OTUD6B: variants seen among roughly 807,000 people sequenced by gnomAD.
The protein encoded by OTUD6B is deubiquitinase OTUD6B.
In OTUD6B, 41 loss-of-function variants were observed where a neutral mutation model predicts 36.9. The ratio of observed to expected loss-of-function variants is 1.11; its 90% CI spans 0.87 to 1.44. The LOEUF (loss-of-function observed/expected upper bound fraction) is 1.44, where lower values mean the gene tolerates loss of function less well. Among genes scored for constraint, OTUD6B ranks in the 40% most tolerant of loss-of-function variants. The pLI, the probability that OTUD6B is intolerant of heterozygous loss-of-function variation, is 0.00. For synonymous variants in OTUD6B, 114 were observed against 114.2 expected, an observed-to-expected ratio of 1.00 and a Z score of 0.01; for missense variants, 356 against 344.8, an observed-to-expected ratio of 1.03 and a Z score of -0.26.
chr8:91,078,335 C>A (rs776500046), intron 3 of OTUD6B, 21 bp from the exon 4 acceptor site: 1 of 1,527,478 alleles, frequency 6.5e-7, no homozygotes, highest in South Asian at 1.3e-5. Flanking sequence ...AATTAACTTT[C>A]ATGCATTCTG....
At chr8:91,071,347 T>G in intron 2 of OTUD6B, 58 bp downstream of exon 2, 1 of 1,339,858 alleles carries the variant, frequency 7.5e-7, no homozygotes, top group Non-Finnish European at 1.0e-6. Context: ...TGTCCACTTC[T>G]GTTAAATGTT....
chr8:91,071,557 C>G lies in OTUD6B; in HGVS notation c.234+268C>G, dbSNP rs117520931. Among the ~76,000 whole-genome samples the G allele has an allele frequency of 4.9e-3, 747 of 152,244 alleles. 6 individuals carry two copies. Among genetic ancestry groups the G allele is most frequent in the Middle Eastern group, 0.02 (6 of 294 alleles). On this transcript the variant is annotated intron_variant, in intron 2 of 6. Coordinates refer to ENST00000404789, the MANE Select transcript of OTUD6B (RefSeq NM_016023.5). ...TAGAGACAGGGTTTCACCATGTTAG[C>G]CAAGACGGTGTCGATCTCCTGACCT... is the stretch of plus-strand genomic sequence containing the variant.
In OTUD6B at chr8:91,084,852, C is replaced by CT. The variant is rs1443225095; in HGVS notation, c.867dup (p.Glu290Ter). On this transcript the variant is annotated frameshift_variant, in exon 7 of 7. Transcript: ENST00000404789. LOFTEE classifies it high-confidence loss of function. ...GTTACACGGTTGGTAAACATAGTTACTGAAAATTGCAGCTAATTTATACAA... is the reference window on the plus strand; with the variant it reads ...GTTACACGGTTGGTAAACATAGTTACTTGAAAATTGCAGCTAATTTATACAA... 1 of 1,550,762 alleles carries CT rather than the reference C, an allele frequency of 6.4e-7. No homozygotes were observed. Among genetic ancestry groups the CT allele is most frequent in the African/African-American group, 1.4e-5 (1 of 72,684 alleles).
chr8:91,070,458 A>C lies in OTUD6B; in HGVS notation c.74A>C (p.Glu25Ala), dbSNP rs901136314. The C allele has an allele frequency of 6.4e-7, 1 of 1,569,404 alleles. No individual in the cohort carries two copies. Among genetic ancestry groups the C allele is most frequent in the Admixed American group, 1.9e-5 (1 of 52,680 alleles). ...LLRRHRKEKK[E>A]LQAKIQGMKN... is the part of the protein sequence containing the mutation. ...AGAAGGCATCGCAAAGAGAAGAAGG[A>C]GTTGCAAGGTGAGGCGGAAGGAAGT... The change falls in exon 1 of 7, where the codon GAG becomes GCG. Residue 25 changes from glutamate to alanine, a missense_variant. Glu to Ala is a moderately radical substitution (Grantham distance 107, BLOSUM62 -1). Coordinates refer to ENST00000404789, the MANE Select transcript of OTUD6B (RefSeq NM_016023.5).
intron 6 of OTUD6B, 134 bp from the exon 7 acceptor site, chr8:91,084,650 A>G (rs763692617): frequency 2.4e-5 from 25 of 1,034,434 alleles, no homozygotes; most frequent in Non-Finnish European, 2.9e-5. Context: ...ATATGTCCAC[A>G]TAGTCTATTG....
rs1813001964 is a variant in OTUD6B at position 91,085,753 on chromosome 8, A to G, written c.*885A>G. 1 of 151,884 alleles carries G rather than the reference A, an allele frequency of 6.6e-6. No individual in the cohort carries two copies. The highest frequency in any genetic ancestry group is 1.5e-5 in the Non-Finnish European group (1 of 67,946). The allele number at this position is 151,884 out of a possible 1,614,324, so 9.4% of individuals were successfully genotyped here. ...AAGGAACAAGCATTTTGTGGCCTTT[A>G]CCTTGTGCAATTTTAGGGAGTAGCA... On this transcript the variant is annotated 3_prime_UTR_variant, in exon 7 of 7. Coordinates refer to ENST00000404789, the MANE Select transcript of OTUD6B (RefSeq NM_016023.5).
At chr8:91,081,125 T>C (rs1192050353) in intron 5 of OTUD6B, among the ~76,000 whole-genome samples, 4 of 136,574 alleles carry the variant, frequency 2.9e-5, no homozygotes, top group South Asian at 5.1e-4. Context: ...TGGAAAAATA[T>C]CTTTTTTACA....
At chr8:91,072,683 C>A (rs28750250) in intron 2 of OTUD6B, among the ~76,000 whole-genome samples, 2 of 151,890 alleles carry the variant, frequency 1.3e-5, no homozygotes, top group Admixed American at 6.6e-5. Flanking sequence ...ATACTCCAGG[C>A]GTTAAATTGT....
intron 6 of OTUD6B, 46 bp downstream of exon 6, chr8:91,084,160 C>G (rs1812963382): frequency 9.0e-7 from 1 of 1,108,478 alleles, no homozygotes; most frequent in Admixed American, 2.7e-5. Context: ...ACAATTAATA[C>G]AAAAAGGAAT....
In OTUD6B at chr8:91,086,877, C is replaced by G. The variant is rs1186292303; in HGVS notation, c.*2009C>G. Reference sequence around the variant, plus strand: ...ATTTACTTTTTCATATGATGATGGTCTAATGGAAGTTACATATGCTTTCTT... The same window carrying G: ...ATTTACTTTTTCATATGATGATGGTGTAATGGAAGTTACATATGCTTTCTT... On this transcript the variant is annotated 3_prime_UTR_variant, in exon 7 of 7. Transcript: ENST00000404789. 6.6e-6 allele frequency: 1 copy of G among 151,984 alleles called. No homozygotes were observed. The highest frequency in any genetic ancestry group is 1.5e-5 in the Non-Finnish European group (1 of 67,908). 9.4% of individuals were successfully genotyped at this position (151,984 alleles called of 1,614,324 possible). A position where few individuals can be genotyped will look rare whatever the true frequency, so the allele number is the denominator to read the frequency against.
At chr8:91,075,967 A>G (rs1812796468) in intron 3 of OTUD6B, among the ~76,000 whole-genome samples, 1 of 152,116 alleles carries the variant, frequency 6.6e-6, no homozygotes, top group African/African-American at 2.4e-5. Flanking sequence ...ACAGTATTTT[A>G]TTCAAAGAAC....
At position 91,070,459 on chromosome 8, in the gene OTUD6B, G is replaced by C; in HGVS notation, c.75G>C (p.Glu25Asp). The change falls in exon 1 of 7, where the codon GAG (glutamate) becomes GAC (aspartate). Residue 25 changes from glutamate (E) to aspartate (D), a missense_variant. Coordinates refer to ENST00000404789, the MANE Select transcript of OTUD6B (RefSeq NM_016023.5). The stretch of plus-strand genomic sequence containing the variant: ...GAAGGCATCGCAAAGAGAAGAAGGA[G>C]TTGCAAGGTGAGGCGGAAGGAAGTG... ...LLRRHRKEKK[E>D]LQAKIQGMKN... The C allele has an allele frequency of 4.5e-6, 7 of 1,568,056 alleles. No individual in the cohort carries two copies. Among genetic ancestry groups the C allele is most frequent in the Non-Finnish European group, 6.1e-6 (7 of 1,156,216 alleles).
chr8:91,081,103 C>G (rs1000250368), intron 5 of OTUD6B, among the ~76,000 whole-genome samples: 1 of 146,658 alleles, frequency 6.8e-6, no homozygotes, highest in Admixed American at 6.8e-5. Context: ...CTCAGCTGAT[C>G]AAAGTCACTA....
At chr8:91,084,663 T>C in intron 6 of OTUD6B, 121 bp from the exon 7 acceptor site, 1 of 1,108,182 alleles carries the variant, frequency 9.0e-7, no homozygotes, top group Non-Finnish European at 1.2e-6. Context: ...GTCTATTGAG[T>C]GAAACCCATG....
intron 3 of OTUD6B, among the ~76,000 whole-genome samples, chr8:91,077,278 T>C (rs1028905469): frequency 1.3e-5 from 2 of 151,856 alleles, no homozygotes; most frequent in Admixed American, 1.3e-4. Flanking sequence ...AAAACTTATT[T>C]TGGAATCCCG....
At chr8:91,075,517 C>T (rs575216689) in intron 3 of OTUD6B, among the ~76,000 whole-genome samples, 2 of 152,012 alleles carry the variant, frequency 1.3e-5, no homozygotes, top group African/African-American at 4.8e-5. Flanking sequence ...ACAAACAAAA[C>T]GAAAACTCCC....
chr8:91,080,843 T>C (rs1180013066), intron 5 of OTUD6B, 113 bp downstream of exon 5: 2 of 737,748 alleles, frequency 2.7e-6, no homozygotes, highest in Non-Finnish European at 2.2e-6. Context: ...AGATTCCTTT[T>C]CTTTATATAT....
chr8:91,074,418 A>G (rs938507018), intron 3 of OTUD6B, among the ~76,000 whole-genome samples: 1 of 152,134 alleles, frequency 6.6e-6, no homozygotes, highest in Non-Finnish European at 1.5e-5. Context: ...TTATGTAGGT[A>G]TCTATATAAT....
chr8:91,082,419 C>T (rs1812923209), intron 5 of OTUD6B, among the ~76,000 whole-genome samples: 1 of 152,012 alleles, frequency 6.6e-6, no homozygotes, highest in Non-Finnish European at 1.5e-5. Context: ...CTCTGTCACC[C>T]AGGCTGGAGT....
Sources: allele counts gnomAD v4.1 joint callset (sites outside exome capture counted in the v4.1 genomes callset), GRCh38; gene constraint gnomAD v4.1.1; transcripts MANE v1.5; gene names NCBI Gene and HGNC (gene_info 2026-07-23, HGNC 2026-07-21).